The following NDE1 variants were observed in gnomAD, a reference collection of about 807,000 sequenced individuals.
NDE1 encodes nudE neurodevelopment protein 1.
A neutral mutation model predicts 43.4 loss-of-function variants in NDE1; 28 were observed. The observed-to-expected ratio is 0.65, with a 90% confidence interval of 0.48 to 0.89. The LOEUF (loss-of-function observed/expected upper bound fraction) is 0.89, where lower values mean the gene tolerates loss of function less well. Among genes scored for constraint, NDE1 ranks in the 40% least tolerant of loss-of-function variants. The pLI is 0.00. For missense variants in NDE1, 441 were observed against 434.1 expected, an observed-to-expected ratio of 1.02 and a Z score of -0.14; for synonymous variants, 184 against 172.0, an observed-to-expected ratio of 1.07 and a Z score of -0.55.
At chr16:15,679,672 G>A (rs1306256093) in intron 4 of NDE1, among the ~76,000 whole-genome samples, 2 of 152,080 alleles carry the variant, frequency 1.3e-5, no homozygotes, top group East Asian at 3.9e-4. Context: ...TCAACATCTG[G>A]GTCACATTTT....
Position 15,652,399 on chromosome 16 carries a change from C to T in NDE1, c.-44+2105C>T, listed in dbSNP as rs572665960. ...GCCGAGAATTGACACTCCTTTTCCT[C>T]ACAAGGTAATTTCCTAACATGAGCA... On this transcript the variant is annotated intron_variant, in intron 1 of 8. Coordinates refer to ENST00000396354, the MANE Select transcript of NDE1 (RefSeq NM_017668.3). Among the ~76,000 whole-genome samples the T allele has an allele frequency of 1.1e-4, 16 of 152,316 alleles. No homozygotes were observed. The South Asian group carries it at 2.7e-3, about 26-fold the overall frequency.
intron 5 of NDE1, among the ~76,000 whole-genome samples, chr16:15,690,365 T>C (rs1486712274): frequency 4.3e-5 from 5 of 115,838 alleles, no homozygotes; most frequent in Non-Finnish European, 5.5e-5. Flanking sequence ...TTTTTTTTTT[T>C]TTTTTTTTTT....
chr16:15,674,279 C>A (rs943886358), intron 3 of NDE1, among the ~76,000 whole-genome samples: 1 of 151,996 alleles, frequency 6.6e-6, no homozygotes, highest in Non-Finnish European at 1.5e-5. Flanking sequence ...GAGTCTTGTT[C>A]GTCGCCCAGA....
intron 8 of NDE1, chr16:15,713,523 TCTCA>T (rs1164277095): frequency 6.6e-6 from 1 of 152,020 alleles, no homozygotes; most frequent in Non-Finnish European, 1.5e-5. Context: ...TGAGACAGGG[TCTCA>T]CTCTGTCCAT....
chr16:15,718,012 G>A, intron 8 of NDE1: 1 of 484,916 alleles, frequency 2.1e-6, no homozygotes, highest in Non-Finnish European at 3.8e-6. Flanking sequence ...GCTTCAGCTA[G>A]GGGAAAACGC....
At chr16:15,674,663 T>C (rs1200586554) in intron 3 of NDE1, among the ~76,000 whole-genome samples, 1 of 152,226 alleles carries the variant, frequency 6.6e-6, no homozygotes, top group Non-Finnish European at 1.5e-5. Context: ...AAGTACATGC[T>C]GCTCTCCCAT....
chr16:15,681,356 C>T (rs2038173545), intron 4 of NDE1, among the ~76,000 whole-genome samples: 1 of 137,656 alleles, frequency 7.3e-6, no homozygotes, highest in Admixed American at 8.7e-5. Flanking sequence ...GCCTTGACCT[C>T]CTGGGGCAAG....
intron 1 of NDE1, among the ~76,000 whole-genome samples, chr16:15,656,423 G>A (rs1451359171): frequency 1.3e-5 from 2 of 152,050 alleles, no homozygotes; most frequent in African/African-American, 2.4e-5. Flanking sequence ...CACAATAGAC[G>A]CACCTCCTAA....
intron 8 of NDE1, chr16:15,719,290 T>C (rs757288297): frequency 6.2e-7 from 1 of 1,612,178 alleles, no homozygotes; most frequent in Non-Finnish European, 8.5e-7. Flanking sequence ...TTGCGAGCCC[T>C]CTCAGCGGCG....
At chr16:15,689,510 C>G (rs187918963) in intron 5 of NDE1, among the ~76,000 whole-genome samples, 2 of 152,172 alleles carry the variant, frequency 1.3e-5, no homozygotes, top group African/African-American at 4.8e-5. Flanking sequence ...AAATCATTGC[C>G]AAGACATACC....
At chr16:15,694,960 C>T in intron 7 of NDE1, 1 of 955,320 alleles carries the variant, frequency 1.0e-6, no homozygotes, top group Non-Finnish European at 1.2e-6. Context: ...TACTTGAGCT[C>T]AGGAGTCTGA....
chr16:15,697,707 C>T (rs1054751188), intron 8 of NDE1, among the ~76,000 whole-genome samples: 1 of 151,930 alleles, frequency 6.6e-6, no homozygotes, highest in African/African-American at 2.4e-5. Context: ...AGCAAGACTC[C>T]ATATCAAAAA....
In NDE1 at chr16:15,696,742, C is replaced by A; in HGVS notation, c.829C>A (p.Leu277Ile). 1 of 1,614,222 alleles carries A rather than the reference C, an allele frequency of 6.2e-7. No homozygotes were observed. Among genetic ancestry groups the A allele is most frequent in the Non-Finnish European group, 8.5e-7 (1 of 1,180,038 alleles). Reference sequence around the variant, plus strand: ...GTCCAAACTCGCTTCCTGCCGGAACCTCGTGTACGATCAGTCCCCAAACCG... The same window carrying A: ...GTCCAAACTCGCTTCCTGCCGGAACATCGTGTACGATCAGTCCCCAAACCG... ...LESKLASCRN[L>I]VYDQSPNRTG... The change falls in exon 8 of 9, where the codon CTC (leucine) becomes ATC (isoleucine). Residue 277 changes from leucine (L) to isoleucine (I), a missense_variant. Physicochemically the swap from Leu to Ile is conservative, Grantham distance 5. Transcript: ENST00000396354.
intron 8 of NDE1, chr16:15,699,492 C>T: frequency 1.8e-6 from 2 of 1,092,116 alleles, no homozygotes; most frequent in Non-Finnish European, 2.3e-6. Flanking sequence ...AACAAACAAA[C>T]AATAGGTAAG....
chr16:15,718,767 C>G lies in NDE1; in HGVS notation c.948-5424C>G, dbSNP rs939674993. 7 of 454,084 alleles carry G rather than the reference C, an allele frequency of 1.5e-5. No homozygotes were observed. The East Asian group carries it at 2.2e-4, about 14-fold the overall frequency. 28.1% of individuals were successfully genotyped at this position (454,084 alleles called of 1,614,324 possible). ...CCCCAAACAGGCATGAAAGCGCTGA[C>G]GGAAAACCTAACCACCATGGGTCTG... On this transcript the variant is annotated intron_variant, in intron 8 of 8. Transcript: ENST00000396354.
At chr16:15,688,688 C>A (rs1309899390) in intron 5 of NDE1, among the ~76,000 whole-genome samples, 2 of 61,684 alleles carry the variant, frequency 3.2e-5, no homozygotes, top group Non-Finnish European at 6.5e-5. Context: ...GTTGTTTTTA[C>A]CTTTTTTTTT....
chr16:15,697,313 G>A (rs369144560), intron 8 of NDE1, among the ~76,000 whole-genome samples: 2 of 152,130 alleles, frequency 1.3e-5, no homozygotes, highest in Admixed American at 1.3e-4. Context: ...AAAGTGCTGC[G>A]ACGACAGGTG....
chr16:15,721,434 G>A lies in NDE1; in HGVS notation c.948-2757G>A, dbSNP rs756552090. 30 of 1,614,022 alleles carry A rather than the reference G, an allele frequency of 1.9e-5. No individual in the cohort carries two copies. The highest frequency in any genetic ancestry group is 3.3e-5 in the South Asian group (3 of 91,084). On this transcript the variant is annotated intron_variant, in intron 8 of 8. Coordinates refer to ENST00000396354, the MANE Select transcript of NDE1 (RefSeq NM_017668.3). ...CAGAGCCACTTACGTTCTTGCCCAC[G>A]TCATCCTTGGAGCTGACCAGGTCTT...
chr16:15,677,473 C>T (rs531031047), intron 3 of NDE1, among the ~76,000 whole-genome samples: 1 of 151,992 alleles, frequency 6.6e-6, no homozygotes, highest in Non-Finnish European at 1.5e-5. Flanking sequence ...GTATTCCCAG[C>T]CACTTGGGAG....
Sources: allele counts gnomAD v4.1 joint callset (sites outside exome capture counted in the v4.1 genomes callset), GRCh38; gene constraint gnomAD v4.1.1; transcripts MANE v1.5; gene names NCBI Gene and HGNC (gene_info 2026-07-23, HGNC 2026-07-21).